Variants in MBD5 observed in about 807,000 individuals in gnomAD.
MBD5 encodes methyl-CpG binding domain protein 5.
A neutral mutation model predicts 117.3 loss-of-function variants in MBD5; 13 were observed. The ratio of observed to expected loss-of-function variants is 0.11; its 90% confidence interval spans 0.07 to 0.18. The LOEUF (loss-of-function observed/expected upper bound fraction) is 0.18. MBD5 is among the 10% of genes least tolerant of loss of function. MBD5 has a pLI of 1.00. For synonymous variants in MBD5, 727 were observed against 766.4 expected (o/e 0.95, Z 0.85); for missense variants, 1,879 against 2,093.8 (o/e 0.90, Z 2.00).
chr2:148,459,614 A>G (rs1354611143), intron 5 of MBD5, among the ~76,000 whole-genome samples: 1 of 152,230 alleles, frequency 6.6e-6, no homozygotes, highest in Non-Finnish European at 1.5e-5. Context: ...GAAAAATTTT[A>G]GAAACAACTT....
At chr2:148,052,559 A>C (rs1390635797) in intron 1 of MBD5, among the ~76,000 whole-genome samples, 1 of 150,728 alleles carries the variant, frequency 6.6e-6, no homozygotes, top group Non-Finnish European at 1.5e-5. Context: ...CCCTCTTAGC[A>C]CTGCTTTTTC....
chr2:148,358,117 T>G (rs1190588536), intron 4 of MBD5, among the ~76,000 whole-genome samples: 3 of 152,230 alleles, frequency 2.0e-5, no homozygotes, highest in African/African-American at 7.2e-5. Context: ...TTTTTATTTC[T>G]GTATTGTCAT....
intron 4 of MBD5, among the ~76,000 whole-genome samples, chr2:148,378,176 C>T (rs1704042097): frequency 6.6e-6 from 1 of 152,034 alleles, no homozygotes; most frequent in Admixed American, 6.6e-5. Flanking sequence ...TATTTTCACT[C>T]CTTAAAAATG....
chr2:148,431,486 C>T (rs983015383), intron 4 of MBD5, among the ~76,000 whole-genome samples: 1 of 151,990 alleles, frequency 6.6e-6, no homozygotes, highest in South Asian at 2.1e-4. Flanking sequence ...AGTTTCATCA[C>T]CCAGGTAATA....
intron 1 of MBD5, among the ~76,000 whole-genome samples, chr2:148,100,588 A>G (rs1350719642): frequency 6.6e-6 from 1 of 152,162 alleles, no homozygotes; most frequent in Admixed American, 6.5e-5. Flanking sequence ...ATAATCTGCA[A>G]CATTGTTTAT....
In MBD5 at chr2:148,154,466, C is replaced by T. The variant is rs529500392; in HGVS notation, c.-924-24234C>T. ...GAGCTGTGGTGGGCTCCACCCAGTTCGAGCATCCTGGCTGCTTTGTTTACC... is the reference window on the plus strand; with the variant it reads ...GAGCTGTGGTGGGCTCCACCCAGTTTGAGCATCCTGGCTGCTTTGTTTACC... On this transcript the variant is annotated intron_variant, in intron 1 of 13. Coordinates refer to ENST00000642680, the MANE Select transcript of MBD5 (RefSeq NM_001378120.1). Among the ~76,000 whole-genome samples, 252 of 152,194 alleles carry T rather than the reference C, an allele frequency of 1.7e-3. 1 individual carries two copies. The highest frequency in any genetic ancestry group is 5.6e-3 in the African/African-American group (233 of 41,536).
intron 3 of MBD5, among the ~76,000 whole-genome samples, chr2:148,289,616 C>G (rs1701451033): frequency 6.6e-6 from 1 of 151,972 alleles, no homozygotes; most frequent in Non-Finnish European, 1.5e-5. Flanking sequence ...AAACATTATC[C>G]ACAGGAAACT....
chr2:148,341,376 T>G (rs912733901), intron 3 of MBD5, among the ~76,000 whole-genome samples: 4 of 151,920 alleles, frequency 2.6e-5, no homozygotes, highest in African/African-American at 9.7e-5. Flanking sequence ...TTTTTAAGCA[T>G]TAGAATTAGG....
At chr2:148,448,785 T>C (rs1273108732) in intron 4 of MBD5, among the ~76,000 whole-genome samples, 20 of 152,064 alleles carry the variant, frequency 1.3e-4, no homozygotes, top group Admixed American at 1.3e-3. Context: ...ATATACATCA[T>C]TTTTCAACAA....
intron 12 of MBD5, 60 bp downstream of exon 12, chr2:148,502,569 T>C: frequency 6.7e-7 from 1 of 1,486,570 alleles, no homozygotes; most frequent in Non-Finnish European, 9.3e-7. Flanking sequence ...TGTTTTTCCA[T>C]CAAAGGGACA....
In MBD5 at chr2:148,252,303, CAA is replaced by C. The variant is rs530493950; in HGVS notation, c.-680+18915_-680+18916del. ...AGCTAGACACCCTCTCTACAAAATACAAAAAAAATAGCCAGGCATGGTGGTGT... is the reference window on the plus strand; with the variant it reads ...AGCTAGACACCCTCTCTACAAAATACAAAAAATAGCCAGGCATGGTGGTGT... On this transcript the variant is annotated intron_variant, in intron 3 of 13. Coordinates refer to ENST00000642680, the MANE Select transcript of MBD5 (RefSeq NM_001378120.1). 3.8e-4 allele frequency among the ~76,000 whole-genome samples: 58 copies of C among 151,620 alleles called. 1 individual carries two copies. The East Asian group carries it at 0.01, about 27-fold the overall frequency.
In MBD5 at chr2:148,480,850, T is replaced by C. The variant is rs1187576268; in HGVS notation, c.2519-2260T>C. ...CAAAGAGGAGTTTTTAAGATCTCAT[T>C]CTTTAAAACACTGAAAACTTAAAAA... On this transcript the variant is annotated intron_variant, in intron 8 of 13. Transcript: ENST00000642680. 5.3e-5 allele frequency among the ~76,000 whole-genome samples: 8 copies of C among 152,146 alleles called. No homozygotes were observed. In the South Asian group the frequency reaches 8.3e-4, roughly 16 times the overall value.
intron 4 of MBD5, among the ~76,000 whole-genome samples, chr2:148,385,596 C>A (rs1704326397): frequency 6.6e-6 from 1 of 152,062 alleles, no homozygotes; most frequent in Non-Finnish European, 1.5e-5. Flanking sequence ...TTGACCCAGC[C>A]ATCCCATTAC....
chr2:148,496,218 G>A (rs1189620210), intron 11 of MBD5, among the ~76,000 whole-genome samples: 1 of 152,172 alleles, frequency 6.6e-6, no homozygotes, highest in South Asian at 2.1e-4. Flanking sequence ...TCAATGCCCT[G>A]TCAGCACCAG....
At chr2:148,072,232 G>A (rs1288155170) in intron 1 of MBD5, among the ~76,000 whole-genome samples, 1 of 152,112 alleles carries the variant, frequency 6.6e-6, no homozygotes, top group Non-Finnish European at 1.5e-5. Flanking sequence ...TGGGTAATTA[G>A]ACTACACAAA....
intron 4 of MBD5, among the ~76,000 whole-genome samples, chr2:148,411,465 C>T (rs1705246240): frequency 6.7e-6 from 1 of 149,982 alleles, no homozygotes. Context: ...CTGCCACCAG[C>T]AGTGTATAAG....
At chr2:148,041,353 C>T (rs375617595) in intron 1 of MBD5, 1 of 152,172 alleles carries the variant, frequency 6.6e-6, no homozygotes, top group Non-Finnish European at 1.5e-5. Flanking sequence ...ATTACTGAAA[C>T]TATGGAGAGA....
rs528196833 is a variant in MBD5 at position 148,091,736 on chromosome 2, A to G, written c.-925+70052A>G. Among the ~76,000 whole-genome samples, 7 of 152,328 alleles carry G rather than the reference A, an allele frequency of 4.6e-5. No homozygotes were observed. The East Asian group carries it at 1.4e-3, about 29-fold the overall frequency. ...GATAACATTGGAGAAACTCTACTAG[A>G]CATTGGCTTAGGCAAAGAGTTGATG... is the stretch of plus-strand genomic sequence containing the variant. On this transcript the variant is annotated intron_variant, in intron 1 of 13. Coordinates refer to ENST00000642680, the MANE Select transcript of MBD5 (RefSeq NM_001378120.1).
At chr2:148,090,954 T>A (rs1364689985) in intron 1 of MBD5, among the ~76,000 whole-genome samples, 1 of 152,098 alleles carries the variant, frequency 6.6e-6, no homozygotes, top group East Asian at 1.9e-4. Flanking sequence ...CAAAAAGATA[T>A]GATAAATGAA....
Sources: gnomAD v4.1 joint callset for allele counts (sites outside exome capture counted in the v4.1 genomes callset) on GRCh38, gnomAD v4.1.1 for gene constraint, MANE v1.5 for transcripts, NCBI Gene and HGNC (gene_info 2026-07-23, HGNC 2026-07-21) for gene names.